The following EPM2A variants were observed in gnomAD, a reference collection of about 807,000 sequenced individuals.
The protein encoded by EPM2A is EPM2A glucan phosphatase, laforin.
In EPM2A, 21 loss-of-function variants were observed where a neutral mutation model predicts 26.5. The ratio of observed to expected loss-of-function variants is 0.79; its 90% CI spans 0.56 to 1.14. The LOEUF is 1.14. Ranked by LOEUF, EPM2A falls within the 50% of genes most tolerant of loss-of-function variation. EPM2A has a pLI of 0.00. For synonymous variants in EPM2A, 217 were observed against 177.6 expected, an observed-to-expected ratio of 1.22 and a Z score of -1.76; for missense variants, 458 against 440.8, an observed-to-expected ratio of 1.04 and a Z score of -0.35.
intron 4 of EPM2A, among the ~76,000 whole-genome samples, chr6:145,478,579 C>T (rs374819197): frequency 4.0e-5 from 6 of 151,766 alleles, no homozygotes; most frequent in African/African-American, 7.2e-5. Context: ...TAAAAACAGA[C>T]ACATAGGCCA....
At chr6:145,419,959 A>C (rs187021877) in intron 4 of EPM2A, among the ~76,000 whole-genome samples, 224 of 152,282 alleles carry the variant, frequency 1.5e-3, no homozygotes, top group Middle Eastern at 3.4e-3. Flanking sequence ...AATATATTTT[A>C]TTAAGGGCTG....
intron 2 of EPM2A, among the ~76,000 whole-genome samples, chr6:145,528,671 A>G (rs1438536955): frequency 6.6e-6 from 1 of 152,098 alleles, no homozygotes; most frequent in African/African-American, 2.4e-5. Context: ...GGAGCTATAC[A>G]AGAAGATTAT....
chr6:145,496,589 G>A (rs1032088566), downstream of EPM2A, among the ~76,000 whole-genome samples: 1 of 152,118 alleles, frequency 6.6e-6, no homozygotes, highest in African/African-American at 2.4e-5. Flanking sequence ...TTCAGGCTTT[G>A]AGATTCTTTT....
At chr6:145,386,334 G>A (rs1165589072) in intron 4 of EPM2A, among the ~76,000 whole-genome samples, 1 of 151,922 alleles carries the variant, frequency 6.6e-6, no homozygotes, top group Non-Finnish European at 1.5e-5. Flanking sequence ...GTGCTATTTT[G>A]TGAGAAAAAC....
At chr6:145,422,612 T>C (rs1207501108) in intron 4 of EPM2A, among the ~76,000 whole-genome samples, 2 of 151,982 alleles carry the variant, frequency 1.3e-5, no homozygotes, top group African/African-American at 4.8e-5. Context: ...TCACTGACCA[T>C]CAGAAAAATT....
intron 1 of EPM2A, among the ~76,000 whole-genome samples, chr6:145,702,472 AGAAG>A (rs1270511943): frequency 2.0e-5 from 3 of 149,082 alleles, no homozygotes; most frequent in African/African-American, 7.8e-5. Context: ...ATTTGCAAAA[AGAAG>A]AAAAAAAGAA....
At chr6:145,545,897 G>T (rs190882812) in intron 2 of EPM2A, among the ~76,000 whole-genome samples, 1 of 152,110 alleles carries the variant, frequency 6.6e-6, no homozygotes, top group Non-Finnish European at 1.5e-5. Flanking sequence ...GATCTGAAGG[G>T]TGTCACTTTC....
At chr6:145,480,363 A>G (rs1779598180) in intron 4 of EPM2A, among the ~76,000 whole-genome samples, 1 of 152,002 alleles carries the variant, frequency 6.6e-6, no homozygotes. Context: ...TCTTGTGAGA[A>G]TTAACTATCA....
intron 4 of EPM2A, among the ~76,000 whole-genome samples, chr6:145,495,704 AG>A (rs1161936715): frequency 1.3e-5 from 2 of 152,074 alleles, no homozygotes; most frequent in Non-Finnish European, 2.9e-5. Flanking sequence ...CAGCCTCCCA[AG>A]TAGCTGGGAT....
At chr6:145,611,157 C>G (rs1775384666) in intron 2 of EPM2A, among the ~76,000 whole-genome samples, 1 of 152,018 alleles carries the variant, frequency 6.6e-6, no homozygotes, top group Non-Finnish European at 1.5e-5. Flanking sequence ...TGACAAGTAT[C>G]TTTATGAAAG....
intron 2 of EPM2A, among the ~76,000 whole-genome samples, chr6:145,608,818 T>A (rs574045990): frequency 6.6e-6 from 1 of 152,342 alleles, no homozygotes; most frequent in East Asian, 1.9e-4. Context: ...ATAAGCTAAG[T>A]ACCTCTACTT....
At chr6:145,505,769 T>C (rs1779963807) in intron 2 of EPM2A, among the ~76,000 whole-genome samples, 1 of 152,232 alleles carries the variant, frequency 6.6e-6, no homozygotes, top group African/African-American at 2.4e-5. Context: ...AATGTGATTA[T>C]TTTCTTAATA....
Position 145,627,458 on chromosome 6 carries a change from GA to G in EPM2A, c.953del (p.Phe318SerfsTer32). The G allele has an allele frequency of 6.2e-7, 1 of 1,614,204 alleles. No homozygotes were observed. Among genetic ancestry groups the G allele is most frequent in the South Asian group, 1.1e-5 (1 of 91,080 alleles). On this transcript the variant is annotated frameshift_variant, in exon 4 of 4. Transcript: ENST00000367519. LOFTEE classifies it high-confidence loss of function. The part of the protein sequence containing the change: ...EALARAQEDF[F>X]QKFGKVRSSV... ...AAGAACGAACCTTCCCAAATTTCTGGAAAAAATCTTCTTGTGCCCGGGCCAA... is the reference window on the plus strand; with the variant it reads ...AAGAACGAACCTTCCCAAATTTCTGGAAAAATCTTCTTGTGCCCGGGCCAA...
At chr6:145,731,871 G>A (rs1010886067) in intron 1 of EPM2A, among the ~76,000 whole-genome samples, 3 of 152,132 alleles carry the variant, frequency 2.0e-5, no homozygotes, top group Non-Finnish European at 4.4e-5. Context: ...AAAACAGACT[G>A]CTAACAGGAA....
chr6:145,732,200 C>CG (rs1776521067), intron 1 of EPM2A, among the ~76,000 whole-genome samples: 2 of 82,034 alleles, frequency 2.4e-5, no homozygotes, highest in African/African-American at 1.1e-4. Flanking sequence ...ACAGCTAAGA[C>CG]TTGTGTGTGT....
chr6:145,429,813 T>C (rs1051227936), intron 4 of EPM2A, among the ~76,000 whole-genome samples: 2 of 152,134 alleles, frequency 1.3e-5, no homozygotes, highest in Non-Finnish European at 2.9e-5. Flanking sequence ...GCATATAGGA[T>C]TGTGATATTT....
chr6:145,488,518 T>TGAGAGAGAGA (rs1434961412), intron 4 of EPM2A, among the ~76,000 whole-genome samples: 6 of 131,078 alleles, frequency 4.6e-5, no homozygotes, highest in African/African-American at 1.7e-4. Context: ...TGTGTGTGTG[T>TGAGAGAGAGA]GTGTGAGAGA....
chr6:145,572,924 C>G (rs9497350), intron 2 of EPM2A, among the ~76,000 whole-genome samples: 2 of 152,186 alleles, frequency 1.3e-5, no homozygotes, highest in Non-Finnish European at 1.5e-5. Context: ...CAAGTAGGCA[C>G]GCTAGGCGTT....
intron 1 of EPM2A, among the ~76,000 whole-genome samples, chr6:145,717,325 G>A (rs1775687489): frequency 6.6e-6 from 1 of 152,054 alleles, no homozygotes; most frequent in Non-Finnish European, 1.5e-5. Flanking sequence ...ACGCAAATCA[G>A]TAAATGTAAT....
Sources: gnomAD v4.1 joint callset for allele counts (sites outside exome capture counted in the v4.1 genomes callset) on GRCh38, gnomAD v4.1.1 for gene constraint, MANE v1.5 for transcripts, NCBI Gene and HGNC (gene_info 2026-07-23, HGNC 2026-07-21) for gene names.